Variants in RBFOX1 observed in about 807,000 individuals in gnomAD.
RBFOX1 encodes the protein RNA binding protein fox-1 homolog 1.
RBFOX1 carries 8 observed loss-of-function variants against 57.7 expected under a neutral mutation model. That is an observed-to-expected ratio of 0.14 (90% CI 0.08 to 0.25). The LOEUF is 0.25. RBFOX1 is among the 10% of genes least tolerant of loss of function. The probability of loss-of-function intolerance (pLI) is 1.00; values close to 1 mark genes in which losing one functional copy is unlikely to be tolerated. For missense variants in RBFOX1, 611 were observed against 548.5 expected, an observed-to-expected ratio of 1.11 and a Z score of -1.14; for synonymous variants, 326 against 222.4, an observed-to-expected ratio of 1.47 and a Z score of -4.15.
chr16:5,644,583 T>C (rs767689986), intron 3 of RBFOX1, among the ~76,000 whole-genome samples: 19 of 152,190 alleles, frequency 1.2e-4, no homozygotes, highest in Non-Finnish European at 2.1e-4. Context: ...GTCTCTGATT[T>C]TGAAGCGTGT....
chr16:6,842,836 G>C (rs1044931696), intron 3 of RBFOX1, among the ~76,000 whole-genome samples: 1 of 151,774 alleles, frequency 6.6e-6, no homozygotes, highest in South Asian at 2.1e-4. Context: ...CCAACCCCCT[G>C]ACAGGCCCCG....
At chr16:6,548,632 A>G (rs2153859870) in intron 2 of RBFOX1, among the ~76,000 whole-genome samples, 1 of 152,336 alleles carries the variant, frequency 6.6e-6, no homozygotes, top group East Asian at 1.9e-4. Flanking sequence ...AAAGAATTAA[A>G]TTATAGAACT....
chr16:5,642,994 A>G (rs541268722), intron 3 of RBFOX1, among the ~76,000 whole-genome samples: 11 of 152,268 alleles, frequency 7.2e-5, no homozygotes, highest in Non-Finnish European at 1.2e-4. Flanking sequence ...TCTCCTGAGC[A>G]CGACTTCCTG....
At chr16:5,932,273 C>T (rs1175251218) in intron 4 of RBFOX1, among the ~76,000 whole-genome samples, 1 of 152,212 alleles carries the variant, frequency 6.6e-6, no homozygotes, top group Non-Finnish European at 1.5e-5. Flanking sequence ...GATGGAAGGG[C>T]CGTGCCCTAA....
At chr16:6,619,855 C>G (rs558944660) in intron 2 of RBFOX1, among the ~76,000 whole-genome samples, 1 of 152,196 alleles carries the variant, frequency 6.6e-6, no homozygotes, top group East Asian at 1.9e-4. Context: ...TGTCTCCCTC[C>G]TCCCACCCTC....
At chr16:5,311,786 G>T (rs1284645859) in intron 1 of RBFOX1, among the ~76,000 whole-genome samples, 1 of 152,156 alleles carries the variant, frequency 6.6e-6, no homozygotes, top group African/African-American at 2.4e-5. Context: ...TCTTAGTAGG[G>T]AATAATTACA....
In RBFOX1 at chr16:7,709,066, G is replaced by C. The variant is rs766496349; in HGVS notation, c.1006G>C (p.Val336Leu). 54 of 1,613,598 alleles carry C rather than the reference G, an allele frequency of 3.3e-5. No homozygotes were observed. Among genetic ancestry groups the C allele is most frequent in the Non-Finnish European group, 3.8e-5 (45 of 1,179,722 alleles). ...AAAYSDSYGR[V>L]YAADPYHHAL... The stretch of plus-strand genomic sequence containing the variant: ...CTATTTTCCTTTCAGTTACGGACGA[G>C]TTTATGCTGCCGACCCCTACCACCA... The change falls in exon 15 of 16, where the codon GTT becomes CTT. Residue 336 changes from valine to leucine, a missense_variant. By Grantham distance (32) the Val-to-Leu change is conservative (BLOSUM62 1). This residue lies in a region of RBFOX1 where 267 missense variants were observed against 229.1 expected (regional missense o/e 1.17). Transcript: ENST00000550418.
At chr16:7,688,260 T>TGTGTGTGTGTGAGAGA (rs1319185243) in intron 14 of RBFOX1, among the ~76,000 whole-genome samples, 2 of 125,296 alleles carry the variant, frequency 1.6e-5, no homozygotes, top group African/African-American at 5.9e-5. Flanking sequence ...TGTGTGTGTG[T>TGTGTGTGTGTGAGAGA]GAGAGAGAGA....
chr16:6,966,789 A>ATCTATCTG lies in RBFOX1; in HGVS notation c.-15-85265_-15-85264insATCTGTCT, dbSNP rs1227056803. On this transcript the variant is annotated intron_variant, in intron 3 of 15. Transcript: ENST00000550418. ...TATCTATCTATCTATCTATCTATCT[A>ATCTATCTG]TCTGTCTGTCTGTCTGTCTGTCTGT... Among the ~76,000 whole-genome samples the ATCTATCTG allele has an allele frequency of 1.6e-3, 203 of 127,922 alleles. 1 individual carries two copies. Among genetic ancestry groups the ATCTATCTG allele is most frequent in the Non-Finnish European group, 2.6e-3 (160 of 62,320 alleles). 83.9% of individuals were successfully genotyped at this position (127,922 alleles called of 152,430 possible).
chr16:7,330,368 T>C (rs1167202557), intron 4 of RBFOX1, among the ~76,000 whole-genome samples: 1 of 150,908 alleles, frequency 6.6e-6, no homozygotes, highest in Non-Finnish European at 1.5e-5. Flanking sequence ...AGTCTGTATA[T>C]GTTCAGTGCA....
At chr16:7,236,756 A>G (rs1311421598) in intron 4 of RBFOX1, among the ~76,000 whole-genome samples, 1 of 152,102 alleles carries the variant, frequency 6.6e-6, no homozygotes, top group African/African-American at 2.4e-5. Context: ...TGAATTATTC[A>G]GCAGTCATTA....
intron 3 of RBFOX1, among the ~76,000 whole-genome samples, chr16:6,872,293 G>GT (rs546754779): frequency 4.1e-4 from 63 of 152,234 alleles, no homozygotes; most frequent in African/African-American, 1.4e-3. Context: ...ACTTGGGGTA[G>GT]TTTGCTTCTC....
chr16:6,211,949 A>T (rs897795553), intron 1 of RBFOX1, among the ~76,000 whole-genome samples: 17 of 151,996 alleles, frequency 1.1e-4, no homozygotes, highest in Non-Finnish European at 1.5e-5. Context: ...TCCCAGGTTC[A>T]AGTAATTCTC....
chr16:7,562,909 A>G (rs938634127), intron 5 of RBFOX1, among the ~76,000 whole-genome samples: 2 of 152,214 alleles, frequency 1.3e-5, no homozygotes, highest in African/African-American at 4.8e-5. Flanking sequence ...GAAGCTTTAA[A>G]GTGGACTGGC....
intron 1 of RBFOX1, among the ~76,000 whole-genome samples, chr16:6,021,288 C>T (rs2152352357): frequency 6.6e-6 from 1 of 152,148 alleles, no homozygotes; most frequent in East Asian, 1.9e-4. Flanking sequence ...AGCCTGCCAT[C>T]CCTTCCCTGC....
intron 4 of RBFOX1, among the ~76,000 whole-genome samples, chr16:7,180,851 G>T (rs1638640364): frequency 6.6e-6 from 1 of 152,200 alleles, no homozygotes; most frequent in Admixed American, 6.5e-5. Flanking sequence ...TATGCTTAAA[G>T]CTCATGACAT....
chr16:7,439,468 A>G (rs918491372), intron 4 of RBFOX1, among the ~76,000 whole-genome samples: 1 of 152,118 alleles, frequency 6.6e-6, no homozygotes, highest in Non-Finnish European at 1.5e-5. Flanking sequence ...TCTTGTCTGG[A>G]CACAATTTTT....
intron 3 of RBFOX1, among the ~76,000 whole-genome samples, chr16:5,839,415 C>T (rs975092589): frequency 6.6e-6 from 1 of 152,270 alleles, no homozygotes; most frequent in Non-Finnish European, 1.5e-5. Flanking sequence ...TAGCCCTCTC[C>T]ACAGCCACTA....
At chr16:6,234,287 G>T (rs2097488315) in intron 1 of RBFOX1, among the ~76,000 whole-genome samples, 1 of 152,126 alleles carries the variant, frequency 6.6e-6, no homozygotes, top group Non-Finnish European at 1.5e-5. Context: ...TTTCCCCTGT[G>T]TTATCTATCG....
Sources: gnomAD v4.1 joint callset for allele counts (sites outside exome capture counted in the v4.1 genomes callset) on GRCh38, gnomAD v4.1.1 for gene constraint, gnomAD v4.1.1 regional missense constraint, MANE v1.5 for transcripts, NCBI Gene and HGNC (gene_info 2026-07-23, HGNC 2026-07-21) for gene names.